Variants in HMGA2 observed in about 807,000 individuals in gnomAD.
HMGA2 encodes high mobility group AT-hook 2.
A neutral mutation model predicts 19.1 loss-of-function variants in HMGA2; 8 were observed. The observed-to-expected ratio is 0.42, with a 90% CI of 0.25 to 0.76. HMGA2 has a LOEUF of 0.76. Ranked by LOEUF, HMGA2 falls within the 30% of genes least tolerant of loss-of-function variation. The probability of loss-of-function intolerance (pLI) is 0.28; values close to 1 mark genes in which losing one functional copy is unlikely to be tolerated. For missense variants in HMGA2, 109 were observed against 136.3 expected (o/e 0.80, Z 1.00); for synonymous variants, 60 against 48.8 (o/e 1.23, Z -0.96).
chr12:65,893,459 A>C (rs983247732), intron 3 of HMGA2, among the ~76,000 whole-genome samples: 1 of 152,224 alleles, frequency 6.6e-6, no homozygotes, highest in African/African-American at 2.4e-5. Flanking sequence ...CAAATGTGGA[A>C]ATTTTTTAAG....
At chr12:65,946,763 A>G (rs903346631) in intron 3 of HMGA2, among the ~76,000 whole-genome samples, 4 of 152,176 alleles carry the variant, frequency 2.6e-5, no homozygotes, top group African/African-American at 9.6e-5. Context: ...TTTCCTACAC[A>G]AGTGTCTCTC....
rs907718624 is a variant in HMGA2, at chr12:65,928,134, T to C, written c.250-23249T>C. On this transcript the variant is annotated intron_variant, in intron 3 of 4. Transcript: ENST00000403681. ...CACAAACCTAGATAGTACAGCCTACTGCACATCTAGGCTAAATGGTGCATC... is the reference window on the plus strand; with the variant it reads ...CACAAACCTAGATAGTACAGCCTACCGCACATCTAGGCTAAATGGTGCATC... Among the ~76,000 whole-genome samples the C allele has an allele frequency of 2.0e-5, 3 of 152,124 alleles. No homozygotes were observed. The South Asian group carries it at 6.2e-4, about 31-fold the overall frequency.
intron 3 of HMGA2, among the ~76,000 whole-genome samples, chr12:65,852,411 A>T (rs550542029): frequency 1.3e-5 from 2 of 152,188 alleles, no homozygotes; most frequent in South Asian, 4.2e-4. Context: ...ACTGAGGCCA[A>T]AGAATCTCTT....
At chr12:65,831,934 T>C (rs1038104409) in intron 2 of HMGA2, among the ~76,000 whole-genome samples, 1 of 151,972 alleles carries the variant, frequency 6.6e-6, no homozygotes, top group African/African-American at 2.4e-5. Context: ...GAAGTTATCA[T>C]ATAATTCTGG....
intron 3 of HMGA2, among the ~76,000 whole-genome samples, chr12:65,871,567 T>C (rs897127485): frequency 6.6e-6 from 1 of 152,240 alleles, no homozygotes; most frequent in Non-Finnish European, 1.5e-5. Context: ...GAATGTTCTA[T>C]ATCTAGATTC....
intron 3 of HMGA2, among the ~76,000 whole-genome samples, chr12:65,872,443 T>C (rs1872756993): frequency 6.6e-6 from 1 of 152,200 alleles, no homozygotes; most frequent in Non-Finnish European, 1.5e-5. Flanking sequence ...CATGTGTTCA[T>C]TCTGAGTTAG....
chr12:65,937,014 T>C (rs979963990), intron 3 of HMGA2, among the ~76,000 whole-genome samples: 2 of 152,146 alleles, frequency 1.3e-5, no homozygotes, highest in Admixed American at 1.3e-4. Context: ...GGAGAATTTT[T>C]CCCAAGGCCA....
intron 3 of HMGA2, among the ~76,000 whole-genome samples, chr12:65,876,440 A>G (rs1036764084): frequency 1.2e-4 from 19 of 152,328 alleles, no homozygotes; most frequent in Admixed American, 1.2e-3. Flanking sequence ...CTATTAGCCA[A>G]TAAGTTACTT....
At chr12:65,947,315 AG>A (rs1876303336) in intron 3 of HMGA2, among the ~76,000 whole-genome samples, 1 of 152,122 alleles carries the variant, frequency 6.6e-6, no homozygotes. Context: ...AAGTCTTGCT[AG>A]GTTGCCCAAG....
Position 65,825,331 on chromosome 12 carries a change from G to C in HMGA2, c.61G>C (p.Ala21Pro). ...CACTTCAGCCCAGGGACAACCTGCC[G>C]CCCCAGCGCCTCAGAAGAGAGGACG... is the stretch of plus-strand genomic sequence containing the variant. Reference protein sequence around the residue: ...PSTSAQGQPAAPAPQKRGRGR... With the variant: ...PSTSAQGQPAPPAPQKRGRGR... The change falls in exon 1 of 5, where the codon GCC (alanine) becomes CCC (proline). Residue 21 changes from alanine (A) to proline (P), a missense_variant. Ala to Pro is a conservative substitution (Grantham distance 27). Coordinates refer to ENST00000403681, the MANE Select transcript of HMGA2 (RefSeq NM_003483.6). The surrounding 1 kb of genome is among the most constrained non-coding windows in gnomAD (Gnocchi z 4.4). 6.5e-7 allele frequency: 1 copy of C among 1,538,522 alleles called. No individual in the cohort carries two copies. The highest frequency in any genetic ancestry group is 8.7e-7 in the Non-Finnish European group (1 of 1,146,132).
In HMGA2 at chr12:65,845,558, C is replaced by A. The variant is rs570161636; in HGVS notation, c.249+6989C>A. Among the ~76,000 whole-genome samples, 49 of 148,394 alleles carry A rather than the reference C, an allele frequency of 3.3e-4. No homozygotes were observed. In the South Asian group the frequency reaches 8.6e-3, roughly 26 times the overall value. The stretch of plus-strand genomic sequence containing the variant: ...TGTTGGGATTACAGGCGTGAGTCAC[C>A]ACTCACGGCCTTTAAGATTTTTTTT... On this transcript the variant is annotated intron_variant, in intron 3 of 4. Coordinates refer to ENST00000403681, the MANE Select transcript of HMGA2 (RefSeq NM_003483.6).
chr12:65,848,595 G>T (rs1372600377), intron 3 of HMGA2, among the ~76,000 whole-genome samples: 2 of 152,158 alleles, frequency 1.3e-5, no homozygotes, highest in African/African-American at 2.4e-5. Context: ...GGTGGCTCAC[G>T]CCTGTAATCC....
rs1296545974 is a variant in HMGA2 at position 65,838,459 on chromosome 12, T to G, written c.199-60T>G. ...TTCTTACTTCAAATGTGTCCCTTGG[T>G]GCAGTACTTATAAACAATGTCAGGT... On this transcript the variant is annotated intron_variant, in intron 2 of 4. Transcript: ENST00000403681. 14 of 1,229,542 alleles carry G rather than the reference T, an allele frequency of 1.1e-5. No individual in the cohort carries two copies. In the African/African-American group the frequency reaches 1.4e-4, roughly 12 times the overall value. The allele number at this position is 1,229,542 out of a possible 1,614,324, so 76.2% of individuals were successfully genotyped here.
intron 3 of HMGA2, among the ~76,000 whole-genome samples, chr12:65,912,725 C>A (rs763000177): frequency 6.6e-6 from 1 of 152,132 alleles, no homozygotes; most frequent in Non-Finnish European, 1.5e-5. Context: ...GGAATCTATT[C>A]CTGGATTTAA....
Position 65,827,282 on chromosome 12 carries a change from A to G in HMGA2, c.112-719A>G, listed in dbSNP as rs143675261. Among the ~76,000 whole-genome samples, 422 of 152,308 alleles carry G rather than the reference A, an allele frequency of 2.8e-3. 2 individuals carry two copies. Among genetic ancestry groups the G allele is most frequent in the African/African-American group, 9.9e-3 (413 of 41,566 alleles). On this transcript the variant is annotated intron_variant, in intron 1 of 4. Transcript: ENST00000403681. ...CTCAAAAGAAAGTTTTGAAGAAAAT[A>G]TGTTTATTTTTATCAAAAGATATTT...
At chr12:65,857,334 C>T (rs1352834821) in intron 3 of HMGA2, 1 of 152,184 alleles carries the variant, frequency 6.6e-6, no homozygotes, top group African/African-American at 2.4e-5. Flanking sequence ...TGTCACAGAG[C>T]ACCAGCACTG....
At chr12:65,925,473 A>T (rs896087785) in intron 3 of HMGA2, among the ~76,000 whole-genome samples, 1 of 152,180 alleles carries the variant, frequency 6.6e-6, no homozygotes, top group African/African-American at 2.4e-5. Flanking sequence ...TGGACACCAG[A>T]GTTCCGATTC....
At chr12:65,870,177 G>A (rs1482067485) in intron 3 of HMGA2, among the ~76,000 whole-genome samples, 1 of 152,202 alleles carries the variant, frequency 6.6e-6, no homozygotes, top group Non-Finnish European at 1.5e-5. Context: ...AGATATGCAT[G>A]TGCATACAAC....
At chr12:65,915,426 G>C (rs1206430512) in intron 3 of HMGA2, 26 of 1,268,128 alleles carry the variant, frequency 2.1e-5, no homozygotes, top group Admixed American at 3.4e-5. Context: ...GTAGAGGGTG[G>C]GCTGAACTCC....
Sources: allele counts gnomAD v4.1 joint callset (sites outside exome capture counted in the v4.1 genomes callset), GRCh38; gene constraint gnomAD v4.1.1; non-coding constraint Gnocchi (gnomAD v3.1); transcripts MANE v1.5; gene names NCBI Gene and HGNC (gene_info 2026-07-23, HGNC 2026-07-21).